The following MIPOL1 variants were observed in gnomAD, a reference collection of about 807,000 sequenced individuals.
MIPOL1 encodes the protein mirror-image polydactyly 1, also known as mirror-image polydactyly gene 1 protein.
MIPOL1 carries 57 observed loss-of-function variants against 60.9 expected under a neutral mutation model. The observed-to-expected ratio is 0.94, with a 90% CI of 0.76 to 1.17. MIPOL1 has a LOEUF of 1.17. MIPOL1 is among the 50% of genes most tolerant of loss of function. MIPOL1 has a pLI of 0.00. For synonymous variants in MIPOL1, 179 were observed against 168.8 expected, an observed-to-expected ratio of 1.06 and a Z score of -0.47; for missense variants, 551 against 511.6, an observed-to-expected ratio of 1.08 and a Z score of -0.74.
chr14:37,334,762 G>A (rs763729844), intron 9 of MIPOL1, among the ~76,000 whole-genome samples: 31 of 151,892 alleles, frequency 2.0e-4, no homozygotes, highest in Non-Finnish European at 3.5e-4. Flanking sequence ...ATTCATAAGA[G>A]TATGTGGTCT....
intron 11 of MIPOL1, among the ~76,000 whole-genome samples, chr14:37,499,344 A>G (rs1410732482): frequency 6.6e-6 from 1 of 152,190 alleles, no homozygotes; most frequent in Non-Finnish European, 1.5e-5. Flanking sequence ...AAAAAAATAT[A>G]CACATGTATA....
intron 11 of MIPOL1, among the ~76,000 whole-genome samples, chr14:37,448,584 G>A (rs1051155159): frequency 6.6e-6 from 1 of 152,100 alleles, no homozygotes; most frequent in African/African-American, 2.4e-5. Flanking sequence ...AATAAAACTG[G>A]CAGTTTTCAA....
rs143016028 is a variant in MIPOL1, at chr14:37,487,840, T to A, written c.1032-12068T>A. Among the ~76,000 whole-genome samples the A allele has an allele frequency of 3.0e-3, 462 of 152,352 alleles. 3 individuals carry two copies. Among genetic ancestry groups the A allele is most frequent in the African/African-American group, 0.01 (429 of 41,588 alleles). On this transcript the variant is annotated intron_variant, in intron 11 of 12. Coordinates refer to ENST00000684589, the MANE Select transcript of MIPOL1 (RefSeq NM_001388067.1). ...TTCTGTGTCTCTATCTCCTTCAGTC[T>A]GCTCTGATCTTAGTTATTTCTTGCC...
chr14:37,393,158 A>G (rs533245973), intron 10 of MIPOL1, among the ~76,000 whole-genome samples: 1 of 152,196 alleles, frequency 6.6e-6, no homozygotes, highest in Admixed American at 6.6e-5. Context: ...AACCTGGGAG[A>G]GAGGCACAGA....
At chr14:37,318,824 T>TTAGTTAGTTAGTTAG (rs1567445929) in intron 9 of MIPOL1, among the ~76,000 whole-genome samples, 1 of 148,150 alleles carries the variant, frequency 6.7e-6, no homozygotes, top group African/African-American at 2.6e-5. Context: ...TATTTATTTA[T>TTAGTTAGTTAGTTAG]TTAGTTAGTT....
intron 9 of MIPOL1, among the ~76,000 whole-genome samples, chr14:37,329,706 ATAAACTAT>A (rs2089503322): frequency 6.6e-6 from 1 of 152,210 alleles, no homozygotes; most frequent in African/African-American, 2.4e-5. Context: ...AAAGAGCTTA[ATAAACTAT>A]TAAACTGTGG....
At position 37,521,900 on chromosome 14, in the gene MIPOL1, A is replaced by ATATG. The variant is rs202181643; in HGVS notation, c.1262+21765_1262+21766insGTAT. On this transcript the variant is annotated intron_variant, in intron 12 of 12. Coordinates refer to ENST00000684589, the MANE Select transcript of MIPOL1 (RefSeq NM_001388067.1). Reference sequence around the variant, plus strand: ...TTTATCTAAAGAAAAAAAAATATATATATATATATATTTTTTTTTTCTTTG... The same window carrying ATATG: ...TTTATCTAAAGAAAAAAAAATATATATATGTATATATATATTTTTTTTTTCTTTG... Among the ~76,000 whole-genome samples the ATATG allele has an allele frequency of 6.2e-3, 204 of 32,726 alleles. No individual in the cohort carries two copies. In the South Asian group the frequency reaches 0.096, roughly 15 times the overall value. 21.5% of individuals were successfully genotyped at this position (32,726 alleles called of 152,430 possible).
chr14:37,310,151 C>T (rs1195373123), intron 9 of MIPOL1, among the ~76,000 whole-genome samples: 4 of 151,110 alleles, frequency 2.6e-5, no homozygotes, highest in Admixed American at 6.6e-5. Context: ...TTGCCCTCTT[C>T]CTTTGTCCTA....
chr14:37,440,583 G>A (rs568116510), intron 11 of MIPOL1, among the ~76,000 whole-genome samples: 6 of 152,166 alleles, frequency 3.9e-5, no homozygotes, highest in South Asian at 4.2e-4. Context: ...GGTTCCATTC[G>A]TGTTGCTACA....
intron 4 of MIPOL1, among the ~76,000 whole-genome samples, 189 bp downstream of exon 4, chr14:37,267,358 C>G (rs571759558): frequency 6.6e-6 from 1 of 152,204 alleles, no homozygotes; most frequent in Admixed American, 6.5e-5. Context: ...TGTGGTGGCA[C>G]ATGCCTGTAA....
chr14:37,490,693 G>T (rs2095035252), intron 11 of MIPOL1, among the ~76,000 whole-genome samples: 1 of 152,108 alleles, frequency 6.6e-6, no homozygotes, highest in African/African-American at 2.4e-5. Context: ...GCTTCCCTTG[G>T]GTAGGGAAGA....
Position 37,422,918 on chromosome 14 carries a change from G to T in MIPOL1, c.1000G>T (p.Glu334Ter). The T allele has an allele frequency of 1.2e-6, 2 of 1,608,764 alleles. No individual in the cohort carries two copies. The highest frequency in any genetic ancestry group is 1.7e-6 in the Non-Finnish European group (2 of 1,176,846). ...TAVQQYKKLE[E>*]EIQTLRVYYS... ...AGTTCAACAGTACAAAAAACTGGAAGAGGAAATCCAGACCCTTCGAGTTTA... is the reference window on the plus strand; with the variant it reads ...AGTTCAACAGTACAAAAAACTGGAATAGGAAATCCAGACCCTTCGAGTTTA... The change falls in exon 11 of 13, where the codon GAG (glutamate) becomes TAG (stop). Residue 334 changes from glutamate (E) to a stop codon, truncating the protein, a stop_gained. Coordinates refer to ENST00000684589, the MANE Select transcript of MIPOL1 (RefSeq NM_001388067.1). LOFTEE classifies it high-confidence loss of function.
intron 5 of MIPOL1, among the ~76,000 whole-genome samples, chr14:37,270,090 A>G (rs2153389756): frequency 6.6e-6 from 1 of 152,182 alleles, no homozygotes; most frequent in East Asian, 1.9e-4. Flanking sequence ...CGGCCTCCCA[A>G]AGGGCTGGGA....
At chr14:37,427,117 T>C (rs2093980929) in intron 11 of MIPOL1, among the ~76,000 whole-genome samples, 1 of 152,138 alleles carries the variant, frequency 6.6e-6, no homozygotes. Context: ...ACACCGATGT[T>C]TATGAAAGCA....
rs141800821 is a variant in MIPOL1 at position 37,251,488 on chromosome 14, G to C, written c.19+3581G>C. 5.0e-3 allele frequency among the ~76,000 whole-genome samples: 763 copies of C among 151,874 alleles called. 5 individuals are homozygous for C. Among genetic ancestry groups the C allele is most frequent in the African/African-American group, 0.017 (720 of 41,420 alleles). Reference sequence around the variant, plus strand: ...AGCAAAAAATGTGTTACCATCTTCAGGCCTTTTAAGGGGTAAGTGATGTTT... The same window carrying C: ...AGCAAAAAATGTGTTACCATCTTCACGCCTTTTAAGGGGTAAGTGATGTTT... On this transcript the variant is annotated intron_variant, in intron 3 of 12. Transcript: ENST00000684589.
At chr14:37,377,832 C>A (rs1213462642) in intron 10 of MIPOL1, among the ~76,000 whole-genome samples, 1 of 150,526 alleles carries the variant, frequency 6.6e-6, no homozygotes, top group Non-Finnish European at 1.5e-5. Context: ...ACTATAACCT[C>A]CAATTCCTGG....
intron 1 of MIPOL1, among the ~76,000 whole-genome samples, chr14:37,246,599 TG>T (rs1973242074): frequency 6.6e-6 from 1 of 152,142 alleles, no homozygotes; most frequent in African/African-American, 2.4e-5. Flanking sequence ...CAATGTTTCT[TG>T]TAATTACTCC....
intron 11 of MIPOL1, among the ~76,000 whole-genome samples, chr14:37,444,702 C>A (rs907124978): frequency 2.0e-5 from 3 of 152,062 alleles, no homozygotes; most frequent in Middle Eastern, 3.2e-3. Context: ...AGAATCCCAG[C>A]AGCACATCAA....
intron 10 of MIPOL1, among the ~76,000 whole-genome samples, chr14:37,393,444 G>A (rs1260388381): frequency 6.3e-4 from 91 of 144,860 alleles, no homozygotes; most frequent in African/African-American, 2.2e-3. Flanking sequence ...TGGGGGTGGG[G>A]GTTTGTTTTG....
Sources: allele counts gnomAD v4.1 joint callset (sites outside exome capture counted in the v4.1 genomes callset), GRCh38; gene constraint gnomAD v4.1.1; transcripts MANE v1.5; gene names NCBI Gene and HGNC (gene_info 2026-07-23, HGNC 2026-07-21).